UBE2V1: variants seen among roughly 807,000 people sequenced by gnomAD.
UBE2V1 encodes ubiquitin-conjugating enzyme E2 variant 1.
Under a neutral mutation model 19.6 loss-of-function variants are expected in UBE2V1, and 15 were observed. That is an observed-to-expected ratio of 0.77 (90% CI 0.51 to 1.18). The LOEUF is 1.18. UBE2V1 is among the 50% of genes most tolerant of loss of function. The probability of loss-of-function intolerance (pLI) is 0.00; values close to 1 mark genes in which losing one functional copy is unlikely to be tolerated. For missense variants in UBE2V1, 125 were observed against 184.8 expected (o/e 0.68, Z 1.88); for synonymous variants, 60 against 60.7 (o/e 0.99, Z 0.05).
At chr20:50,083,373 A>G (rs1009318111) in intron 3 of UBE2V1, among the ~76,000 whole-genome samples, 7 of 152,366 alleles carry the variant, frequency 4.6e-5, no homozygotes, top group South Asian at 2.1e-4. Flanking sequence ...AGGTTAAGGC[A>G]GCATTTCCCA....
intron 2 of UBE2V1, among the ~76,000 whole-genome samples, chr20:50,093,122 T>G (rs934302255): frequency 6.6e-6 from 1 of 152,266 alleles, no homozygotes; most frequent in African/African-American, 2.4e-5. Context: ...CATAATATGG[T>G]ATACTCAAAG....
Position 50,081,464 on chromosome 20 carries a change from G to C in UBE2V1, c.*1304C>G, listed in dbSNP as rs2078642049. On this transcript the variant is annotated 3_prime_UTR_variant, in exon 4 of 4. Transcript: ENST00000371674. ...GGAAAGACGCAGCAATTTGCCAGGAGGTCAAGCCCACCAATTTCGGGGATC... is the reference window on the plus strand; with the variant it reads ...GGAAAGACGCAGCAATTTGCCAGGACGTCAAGCCCACCAATTTCGGGGATC... 1 of 152,630 alleles carries C rather than the reference G, an allele frequency of 6.6e-6. No individual in the cohort carries two copies. Among genetic ancestry groups the C allele is most frequent in the Non-Finnish European group, 1.5e-5 (1 of 68,060 alleles). The allele number at this position is 152,630 out of a possible 1,614,324, so 9.5% of individuals were successfully genotyped here.
chr20:50,106,236 T>C (rs188228853), intron 1 of UBE2V1, among the ~76,000 whole-genome samples: 1 of 152,310 alleles, frequency 6.6e-6, no homozygotes, highest in Non-Finnish European at 1.5e-5. Flanking sequence ...TGTGTCAGTA[T>C]CAAAAGTCAG....
intron 2 of UBE2V1, among the ~76,000 whole-genome samples, chr20:50,089,699 C>A (rs2079114071): frequency 6.6e-6 from 1 of 152,178 alleles, no homozygotes; most frequent in South Asian, 2.1e-4. Context: ...TCCCACCATT[C>A]ATGGTATCTT....
chr20:50,084,428 A>G (rs1295686629), intron 2 of UBE2V1, 174 bp from the exon 3 acceptor site: 7 of 1,183,770 alleles, frequency 5.9e-6, no homozygotes, highest in Non-Finnish European at 8.5e-6. Flanking sequence ...ACACTAGTTT[A>G]TATGACTTCC....
At position 50,094,219 on chromosome 20, in the gene UBE2V1, TATGCATTATATAATATATA is replaced by T. The variant is rs1200022976; in HGVS notation, c.171+2434_171+2452del. ...TATACAGTATATATAATATATAACA[TATGCATTATATAATATATA>T]ATGCATTATATAATATATAATGCAT... On this transcript the variant is annotated intron_variant, in intron 2 of 3. Transcript: ENST00000371674. 4.1e-3 allele frequency among the ~76,000 whole-genome samples: 269 copies of T among 64,984 alleles called. 1 individual carries two copies. The highest frequency in any genetic ancestry group is 0.022 in the East Asian group (56 of 2,586). The allele number at this position is 64,984 out of a possible 152,430, so 42.6% of individuals were successfully genotyped here. A position where few individuals can be genotyped will look rare whatever the true frequency, so the allele number is the denominator to read the frequency against.
upstream of UBE2V1, chr20:50,115,430 C>G: frequency 6.9e-7 from 1 of 1,449,260 alleles, no homozygotes. Flanking sequence ...GACTTGGGGT[C>G]ACTGTAAAGC....
At chr20:50,095,710 G>A (rs546222582) in intron 2 of UBE2V1, 1 of 152,364 alleles carries the variant, frequency 6.6e-6, no homozygotes, top group East Asian at 1.9e-4. Context: ...CACAGGACAG[G>A]TCTTGCTACA....
intron 1 of UBE2V1, among the ~76,000 whole-genome samples, chr20:50,108,484 C>G (rs2080536174): frequency 6.6e-6 from 1 of 152,148 alleles, no homozygotes; most frequent in Non-Finnish European, 1.5e-5. Context: ...ATCATCCGGC[C>G]AAGAGCACGT....
chr20:50,087,089 CAA>C (rs1270725317), intron 2 of UBE2V1, among the ~76,000 whole-genome samples: 1 of 149,112 alleles, frequency 6.7e-6, no homozygotes, highest in African/African-American at 2.5e-5. Context: ...AAACAAAAAA[CAA>C]AAAACAAAAA....
At chr20:50,113,174 C>A (rs761214), upstream of UBE2V1, 2,505 of 1,248,212 alleles carry the variant, frequency 2.0e-3, 5 homozygotes, top group East Asian at 2.7e-3. Flanking sequence ...TCACCCCCCC[C>A]TTACCCGTCC....
chr20:50,115,296 C>G (rs1395094092), upstream of UBE2V1, among the ~76,000 whole-genome samples: 1 of 152,208 alleles, frequency 6.6e-6, no homozygotes, highest in Non-Finnish European at 1.5e-5. Context: ...TTCCTCCAAC[C>G]ACATCAAATT....
chr20:50,109,978 G>C (rs1435171467), intron 1 of UBE2V1, among the ~76,000 whole-genome samples: 1 of 152,222 alleles, frequency 6.6e-6, no homozygotes, highest in African/African-American at 2.4e-5. Flanking sequence ...TCCATTTCCA[G>C]CTCTCTCTGG....
intron 1 of UBE2V1, among the ~76,000 whole-genome samples, chr20:50,109,783 A>C (rs532393267): frequency 6.0e-5 from 9 of 150,896 alleles, no homozygotes; most frequent in African/African-American, 2.2e-4. Flanking sequence ...GCACTAGCCC[A>C]ACAAAGCCAG....
At chr20:50,086,687 T>A (rs1040340341) in intron 2 of UBE2V1, among the ~76,000 whole-genome samples, 25 of 152,076 alleles carry the variant, frequency 1.6e-4, no homozygotes, top group African/African-American at 5.8e-4. Flanking sequence ...GGAATCAAAT[T>A]TCTCACCACT....
At chr20:50,092,058 A>G (rs6067348) in intron 2 of UBE2V1, among the ~76,000 whole-genome samples, 1,957 of 151,778 alleles carry the variant, frequency 0.013, 14 homozygotes, top group Non-Finnish European at 0.021. Flanking sequence ...TGGTGGGCTC[A>G]TGCCTGTAAT....
At chr20:50,106,626 T>C (rs905467524) in intron 1 of UBE2V1, among the ~76,000 whole-genome samples, 1 of 151,542 alleles carries the variant, frequency 6.6e-6, no homozygotes, top group Non-Finnish European at 1.5e-5. Flanking sequence ...AGGTCGGGAG[T>C]TCGAGAACAG....
At chr20:50,097,572 A>AT (rs2079708353) in intron 1 of UBE2V1, among the ~76,000 whole-genome samples, 1 of 152,128 alleles carries the variant, frequency 6.6e-6, no homozygotes, top group African/African-American at 2.4e-5. Flanking sequence ...CAGACAAGGG[A>AT]GGGGGCTATG....
intron 1 of UBE2V1, among the ~76,000 whole-genome samples, chr20:50,106,076 C>T (rs1003800245): frequency 6.6e-6 from 1 of 151,810 alleles, no homozygotes; most frequent in Non-Finnish European, 1.5e-5. Context: ...ATCAAATAGA[C>T]TATGACTATT....
Sources: allele counts gnomAD v4.1 joint callset (sites outside exome capture counted in the v4.1 genomes callset), GRCh38; gene constraint gnomAD v4.1.1; transcripts MANE v1.5; gene names NCBI Gene and HGNC (gene_info 2026-07-23, HGNC 2026-07-21).